The following SESTD1 variants were observed in gnomAD, a reference collection of about 807,000 sequenced individuals.
SESTD1 encodes SEC14 domain and spectrin repeat-containing protein 1.
A neutral mutation model predicts 101.7 loss-of-function variants in SESTD1; 43 were observed. The ratio of observed to expected loss-of-function variants is 0.42; its 90% CI spans 0.33 to 0.55. SESTD1 has a LOEUF of 0.55. Ranked by LOEUF, SESTD1 falls within the 20% of genes least tolerant of loss-of-function variation. The probability of loss-of-function intolerance (pLI) is 0.07; values close to 1 mark genes in which losing one functional copy is unlikely to be tolerated. For missense variants in SESTD1, 647 were observed against 815.1 expected (o/e 0.79, Z 2.51); for synonymous variants, 283 against 286.8 (o/e 0.99, Z 0.13).
intron 17 of SESTD1, among the ~76,000 whole-genome samples, chr2:179,110,337 A>G (rs748183098): frequency 6.6e-6 from 1 of 152,224 alleles, no homozygotes; most frequent in Non-Finnish European, 1.5e-5. Flanking sequence ...GTCCAGAAGG[A>G]TGCACAAACA....
chr2:179,225,353 TAGTAA>T (rs2046870490), intron 1 of SESTD1, among the ~76,000 whole-genome samples: 1 of 152,308 alleles, frequency 6.6e-6, no homozygotes, highest in South Asian at 2.1e-4. Flanking sequence ...GTAATTAATG[TAGTAA>T]CCTTTACTGT....
At chr2:179,199,119 G>T (rs2046456567) in intron 1 of SESTD1, among the ~76,000 whole-genome samples, 1 of 151,762 alleles carries the variant, frequency 6.6e-6, no homozygotes, top group Admixed American at 6.6e-5. Flanking sequence ...ATGATAAAGG[G>T]GAAATCACCA....
chr2:179,194,170 T>C (rs987273572), intron 1 of SESTD1, among the ~76,000 whole-genome samples: 16 of 152,164 alleles, frequency 1.1e-4, no homozygotes, highest in Non-Finnish European at 2.4e-4. Context: ...TTACACCTAC[T>C]CCATCTGCTC....
intron 1 of SESTD1, among the ~76,000 whole-genome samples, chr2:179,250,302 T>A (rs1471491260): frequency 6.6e-6 from 1 of 151,900 alleles, no homozygotes; most frequent in South Asian, 2.1e-4. Context: ...ACCAGGAAAA[T>A]GCAAATTAAA....
chr2:179,242,060 A>T (rs2047162466), intron 1 of SESTD1, among the ~76,000 whole-genome samples: 1 of 152,204 alleles, frequency 6.6e-6, no homozygotes, highest in African/African-American at 2.4e-5. Context: ...TTGTATACCT[A>T]GAAAACACTA....
chr2:179,203,268 A>G (rs1399812052), intron 1 of SESTD1, among the ~76,000 whole-genome samples: 2 of 134,918 alleles, frequency 1.5e-5, no homozygotes, highest in African/African-American at 5.9e-5. Context: ...ACCTTGCAGC[A>G]TATTTTTATA....
At chr2:179,262,111 T>C (rs1041112934) in intron 1 of SESTD1, among the ~76,000 whole-genome samples, 3 of 152,094 alleles carry the variant, frequency 2.0e-5, no homozygotes, top group African/African-American at 7.2e-5. Flanking sequence ...TGAAAGACAC[T>C]AAAGGCCACA....
At position 179,256,442 on chromosome 2, in the gene SESTD1, G is replaced by A. The variant is rs142226946; in HGVS notation, c.-26+8057C>T. On this transcript the variant is annotated intron_variant, in intron 1 of 17. Transcript: ENST00000428443. ...AGTGTAGGAAGTAACTGCAGATGTG[G>A]TAGAAATAACAACAGAACTAGAATT... 5.5e-3 allele frequency among the ~76,000 whole-genome samples: 843 copies of A among 152,290 alleles called. 4 individuals carry two copies. The highest frequency in any genetic ancestry group is 8.8e-3 in the Non-Finnish European group (596 of 68,014).
At chr2:179,138,236 C>G (rs2045198920) in intron 9 of SESTD1, among the ~76,000 whole-genome samples, 1 of 152,154 alleles carries the variant, frequency 6.6e-6, no homozygotes, top group African/African-American at 2.4e-5. Context: ...GCTGGTCTGT[C>G]ATTTAAAAAT....
intron 1 of SESTD1, among the ~76,000 whole-genome samples, chr2:179,218,804 C>T (rs1404874974): frequency 2.0e-5 from 3 of 152,254 alleles, no homozygotes; most frequent in South Asian, 2.1e-4. Context: ...GCAGAGACCA[C>T]GTCATTTATT....
intron 1 of SESTD1, among the ~76,000 whole-genome samples, chr2:179,198,517 A>G (rs911605803): frequency 1.5e-4 from 23 of 152,104 alleles, no homozygotes; most frequent in Admixed American, 1.1e-3. Flanking sequence ...TTTCAGCACC[A>G]CACCACACCT....
intron 1 of SESTD1, among the ~76,000 whole-genome samples, chr2:179,205,220 G>C: frequency 8.2e-6 from 1 of 122,210 alleles, no homozygotes. Context: ...TTACTCTGTT[G>C]CCATTTAATT....
intron 4 of SESTD1, among the ~76,000 whole-genome samples, chr2:179,173,549 C>A (rs1389554160): frequency 1.3e-5 from 2 of 152,034 alleles, no homozygotes; most frequent in Non-Finnish European, 2.9e-5. Context: ...CTTAATTTTA[C>A]AGGAGAGTAA....
chr2:179,198,933 G>C (rs2046451708), intron 1 of SESTD1, among the ~76,000 whole-genome samples: 1 of 152,036 alleles, frequency 6.6e-6, no homozygotes, highest in Non-Finnish European at 1.5e-5. Flanking sequence ...AAAGCTAGCA[G>C]AAGGCAAGAA....
intron 5 of SESTD1, among the ~76,000 whole-genome samples, chr2:179,159,536 C>G (rs551821093): frequency 2.0e-5 from 3 of 152,128 alleles, no homozygotes; most frequent in East Asian, 3.8e-4. Flanking sequence ...GTAGAGATTT[C>G]TAGATGTTTG....
rs1016937631 is a variant in SESTD1 at position 179,216,329 on chromosome 2, C to A, written c.-25-24463G>T. ...TCAATGTGCAAAACCACAAGCCCTT[C>A]TATACACCAATAACAGACACAGAGC... On this transcript the variant is annotated intron_variant, in intron 1 of 17. Coordinates refer to ENST00000428443, the MANE Select transcript of SESTD1 (RefSeq NM_178123.5). Among the ~76,000 whole-genome samples the A allele has an allele frequency of 1.9e-4, 25 of 135,040 alleles. 6 individuals are homozygous for A. Among genetic ancestry groups the A allele is most frequent in the African/African-American group, 6.2e-4 (21 of 34,016 alleles). The allele number at this position is 135,040 out of a possible 152,430, so 88.6% of individuals were successfully genotyped here.
intron 1 of SESTD1, among the ~76,000 whole-genome samples, chr2:179,229,193 A>C (rs778606859): frequency 6.6e-6 from 1 of 152,212 alleles, no homozygotes; most frequent in Non-Finnish European, 1.5e-5. Context: ...TGTCCATTAC[A>C]GTGTTTACGG....
chr2:179,227,522 A>G (rs552913848), intron 1 of SESTD1, among the ~76,000 whole-genome samples: 50 of 152,282 alleles, frequency 3.3e-4, no homozygotes, highest in Admixed American at 5.2e-4. Context: ...ATCCACTATC[A>G]CTATACTCTA....
intron 1 of SESTD1, among the ~76,000 whole-genome samples, chr2:179,223,787 C>CACTT (rs1396867442): frequency 6.6e-6 from 1 of 152,082 alleles, no homozygotes; most frequent in Non-Finnish European, 1.5e-5. Flanking sequence ...TTGTTGATAA[C>CACTT]ATTTATGTTC....
Sources: gnomAD v4.1 joint callset for allele counts (sites outside exome capture counted in the v4.1 genomes callset) on GRCh38, gnomAD v4.1.1 for gene constraint, MANE v1.5 for transcripts, NCBI Gene and HGNC (gene_info 2026-07-23, HGNC 2026-07-21) for gene names.